ZSCAN25: variants seen among roughly 807,000 people sequenced by gnomAD.
ZSCAN25 encodes the protein zinc finger and SCAN domain containing 25.
Under a neutral mutation model 38.7 loss-of-function variants are expected in ZSCAN25, and 27 were observed. That is an observed-to-expected ratio of 0.70 (90% CI 0.51 to 0.96). The LOEUF is 0.96. Ranked by LOEUF, ZSCAN25 falls within the 40% of genes least tolerant of loss-of-function variation. The pLI is 0.00. For missense variants in ZSCAN25, 637 were observed against 705.9 expected (o/e 0.90, Z 1.11); for synonymous variants, 273 against 277.7 (o/e 0.98, Z 0.17).
At position 99,630,024 on chromosome 7, in the gene ZSCAN25, T is replaced by C; in HGVS notation, c.*4T>C. Reference sequence around the variant, plus strand: ...CCAGGAGCCGCTGGTGCAGTGAGCATAGCAGGTGGCAGGCAGCACCATCAT... The same window carrying C: ...CCAGGAGCCGCTGGTGCAGTGAGCACAGCAGGTGGCAGGCAGCACCATCAT... On this transcript the variant is annotated 3_prime_UTR_variant, in exon 8 of 8. Coordinates refer to ENST00000394152, the MANE Select transcript of ZSCAN25 (RefSeq NM_145115.3). 1 of 1,523,542 alleles carries C rather than the reference T, an allele frequency of 6.6e-7. No individual in the cohort carries two copies. Among genetic ancestry groups the C allele is most frequent in the Non-Finnish European group, 8.8e-7 (1 of 1,135,036 alleles). 94.4% of individuals were successfully genotyped at this position (1,523,542 alleles called of 1,614,324 possible).
At chr7:99,706,189 C>A in the ZSCAN25 span, among the ~76,000 whole-genome samples, 3 of 152,186 alleles carry the variant, frequency 2.0e-5, no homozygotes, top group East Asian at 3.8e-4. Flanking sequence ...TCAATTCCTA[C>A]AGTGTTTTGA....
the ZSCAN25 span, among the ~76,000 whole-genome samples, chr7:99,653,450 CAAATAAATAAATAAAT>C: frequency 6.9e-6 from 1 of 145,494 alleles, no homozygotes; most frequent in East Asian, 2.0e-4. This position sits in a 1 kb window ranked among gnomAD's most constrained non-coding sequence, Gnocchi z 4.2. Flanking sequence ...GACCCTGTCT[CAAATAAATAAATAAAT>C]AAATAAATAA....
the ZSCAN25 span, among the ~76,000 whole-genome samples, chr7:99,699,720 A>G: frequency 6.6e-6 from 1 of 152,188 alleles, no homozygotes; most frequent in Admixed American, 6.5e-5. Flanking sequence ...AATCATTCCC[A>G]CTAACAAATG....
the ZSCAN25 span, among the ~76,000 whole-genome samples, chr7:99,658,175 C>T: frequency 1.3e-5 from 2 of 152,130 alleles, no homozygotes; most frequent in Admixed American, 6.5e-5. Flanking sequence ...TCTCCTTAGC[C>T]TCGATGGTCT....
chr7:99,710,758 C>G, the ZSCAN25 span: 16 of 1,613,822 alleles, frequency 9.9e-6, no homozygotes, highest in Non-Finnish European at 1.4e-5. Context: ...GTATCAATTT[C>G]CTTCTGCACT....
In ZSCAN25 at chr7:99,629,079, C is replaced by G; in HGVS notation, c.806-112C>G. ...GAAAGCCTGAGTTGAGGTTGTTGGT[C>G]AAAGGAAAAAAGAGAAGGAACCATG... is the stretch of plus-strand genomic sequence containing the variant. On this transcript the variant is annotated intron_variant, in intron 7 of 7. Coordinates refer to ENST00000394152, the MANE Select transcript of ZSCAN25 (RefSeq NM_145115.3). This position sits in a 1 kb window ranked among gnomAD's most constrained non-coding sequence, Gnocchi z 5.6. 7.0e-7 allele frequency: 1 copy of G among 1,436,826 alleles called. No homozygotes were observed. Among genetic ancestry groups the G allele is most frequent in the South Asian group, 1.5e-5 (1 of 67,220 alleles). The allele number at this position is 1,436,826 out of a possible 1,614,324, so 89.0% of individuals were successfully genotyped here.
At chr7:99,660,508 C>A in the ZSCAN25 span, 7 of 1,611,472 alleles carry the variant, frequency 4.3e-6, no homozygotes, top group South Asian at 6.6e-5. Flanking sequence ...CCTTATTGGG[C>A]AAAACTGCAT....
chr7:99,662,784 G>A, the ZSCAN25 span: 1,933 of 1,593,164 alleles, frequency 1.2e-3, 3 homozygotes, highest in Middle Eastern at 6.3e-3. This position sits in a 1 kb window ranked among gnomAD's most constrained non-coding sequence, Gnocchi z 4.3. Flanking sequence ...TAGTGTCCCC[G>A]CCAGTAGCCC....
At chr7:99,672,904 A>G in the ZSCAN25 span, 3 of 1,352,054 alleles carry the variant, frequency 2.2e-6, no homozygotes, top group African/African-American at 1.5e-5. Flanking sequence ...TGGTCCAAAC[A>G]GGGAAGAGAT....
At position 99,629,103 on chromosome 7, in the gene ZSCAN25, T is replaced by C. The variant is rs1051895821; in HGVS notation, c.806-88T>C. On this transcript the variant is annotated intron_variant, in intron 7 of 7. Transcript: ENST00000394152. The surrounding 1 kb of genome is among the most constrained non-coding windows in gnomAD (Gnocchi z 5.6). ...TCAAAGGAAAAAAGAGAAGGAACCATGAATGGGACCCCTGTGAAGCAGAGT... is the reference window on the plus strand; with the variant it reads ...TCAAAGGAAAAAAGAGAAGGAACCACGAATGGGACCCCTGTGAAGCAGAGT... The C allele has an allele frequency of 1.6e-5, 24 of 1,495,806 alleles. No homozygotes were observed. Among genetic ancestry groups the C allele is most frequent in the Non-Finnish European group, 2.1e-5 (23 of 1,120,872 alleles). The allele number at this position is 1,495,806 out of a possible 1,614,324, so 92.7% of individuals were successfully genotyped here. A position where few individuals can be genotyped will look rare whatever the true frequency, so the allele number is the denominator to read the frequency against.
the ZSCAN25 span, among the ~76,000 whole-genome samples, chr7:99,721,627 A>G: frequency 6.6e-6 from 1 of 152,186 alleles, no homozygotes; most frequent in Non-Finnish European, 1.5e-5. Flanking sequence ...GTCTCAGCCT[A>G]GTTTAGACCG....
chr7:99,723,828 C>T, the ZSCAN25 span, among the ~76,000 whole-genome samples: 1 of 152,174 alleles, frequency 6.6e-6, no homozygotes, highest in South Asian at 2.1e-4. Flanking sequence ...GGAGGAGATA[C>T]GTTTTATCCA....
chr7:99,680,345 A>T, the ZSCAN25 span, among the ~76,000 whole-genome samples: 1 of 152,208 alleles, frequency 6.6e-6, no homozygotes, highest in East Asian at 1.9e-4. Flanking sequence ...TGCCCTCTAG[A>T]TGACTCCTAC....
At chr7:99,721,742 C>CGT in the ZSCAN25 span, among the ~76,000 whole-genome samples, 30,293 of 151,326 alleles carry the variant, frequency 0.2, 4,516 homozygotes, top group African/African-American at 0.41. Context: ...AATTATGACA[C>CGT]GTGTGTGTGT....
In ZSCAN25 at chr7:99,631,250, C is replaced by T; in HGVS notation, c.*1230C>T. ...TCTCTGCCCTCCAGACCCTTGTCAT[C>T]CAAGGCACTAGGGGTCCTGGACACC... On this transcript the variant is annotated 3_prime_UTR_variant, in exon 8 of 8. Transcript: ENST00000394152. The T allele has an allele frequency of 1.0e-6, 1 of 985,398 alleles. No individual in the cohort carries two copies. The highest frequency in any genetic ancestry group is 4.7e-5 in the South Asian group (1 of 21,276). The allele number at this position is 985,398 out of a possible 1,614,324, so 61.0% of individuals were successfully genotyped here.
chr7:99,653,405 T>G, the ZSCAN25 span, among the ~76,000 whole-genome samples: 3 of 151,984 alleles, frequency 2.0e-5, no homozygotes, highest in African/African-American at 7.3e-5. The surrounding 1 kb of genome is among the most constrained non-coding windows in gnomAD (Gnocchi z 4.2). Context: ...GAGCTGAGAT[T>G]GCACCACTGC....
chr7:99,704,559 G>A, the ZSCAN25 span, among the ~76,000 whole-genome samples: 16 of 152,064 alleles, frequency 1.1e-4, no homozygotes, highest in African/African-American at 3.9e-4. Context: ...CCAAAGTGCT[G>A]GGATTACAGG....
the ZSCAN25 span, among the ~76,000 whole-genome samples, chr7:99,715,033 C>A: frequency 6.6e-6 from 1 of 152,108 alleles, no homozygotes; most frequent in South Asian, 2.1e-4. Context: ...TCATGCTCTT[C>A]AAGAAATCAG....
chr7:99,734,589 A>G, the ZSCAN25 span, among the ~76,000 whole-genome samples: 1 of 150,256 alleles, frequency 6.7e-6, no homozygotes, highest in Admixed American at 6.6e-5. Flanking sequence ...CACTTAAGCT[A>G]CTTCTCCTTG....
Sources: gnomAD v4.1 joint callset for allele counts (sites outside exome capture counted in the v4.1 genomes callset) on GRCh38, gnomAD v4.1.1 for gene constraint, Gnocchi (gnomAD v3.1) non-coding constraint, MANE v1.5 for transcripts, NCBI Gene and HGNC (gene_info 2026-07-23, HGNC 2026-07-21) for gene names.